APELA: variants seen among roughly 807,000 people sequenced by gnomAD.
APELA encodes apelin receptor early endogenous ligand.
At chr4:164,891,578 C>A (rs576995639) in intron 2 of APELA, among the ~76,000 whole-genome samples, 51 of 152,160 alleles carry the variant, frequency 3.4e-4, no homozygotes, top group South Asian at 1.2e-3. Flanking sequence ...TTCTTAATTT[C>A]ATTTTTGAAT....
chr4:164,885,994 C>T (rs1730763619), intron 2 of APELA, among the ~76,000 whole-genome samples: 1 of 152,126 alleles, frequency 6.6e-6, no homozygotes, highest in African/African-American at 2.4e-5. Context: ...TGACGACCAC[C>T]CTAATTCAGT....
intron 2 of APELA, among the ~76,000 whole-genome samples, chr4:164,883,490 CTTT>C (rs397945999): frequency 7.1e-6 from 1 of 140,850 alleles, no homozygotes; most frequent in Non-Finnish European, 1.5e-5. Context: ...CTTTCTTTTT[CTTT>C]TTTTTTTTTT....
chr4:164,878,163 A>G (rs1203196778), intron 1 of APELA, among the ~76,000 whole-genome samples: 1 of 147,146 alleles, frequency 6.8e-6, no homozygotes, highest in African/African-American at 2.5e-5. Context: ...AAGAGAGAAA[A>G]GAAGAGAGAA....
chr4:164,892,618 G>A (rs1730904149), intron 2 of APELA, among the ~76,000 whole-genome samples: 1 of 152,032 alleles, frequency 6.6e-6, no homozygotes, highest in Non-Finnish European at 1.5e-5. Context: ...TTTTGGTATT[G>A]GGTAACCATA....
At chr4:164,888,075 G>GT (rs1730808748) in intron 2 of APELA, among the ~76,000 whole-genome samples, 1 of 152,118 alleles carries the variant, frequency 6.6e-6, no homozygotes, top group Admixed American at 6.5e-5. Context: ...TAAACAGGCT[G>GT]TTGTACCCTG....
At chr4:164,886,205 G>A (rs1315037271) in intron 2 of APELA, among the ~76,000 whole-genome samples, 1 of 151,904 alleles carries the variant, frequency 6.6e-6, no homozygotes, top group Non-Finnish European at 1.5e-5. Flanking sequence ...TCCTGTGTGG[G>A]CTGAAATATC....
chr4:164,884,367 T>C (rs748874434), intron 2 of APELA, among the ~76,000 whole-genome samples: 1 of 152,204 alleles, frequency 6.6e-6, no homozygotes, highest in African/African-American at 2.4e-5. Context: ...TTTCAACACA[T>C]TGTTCCCCTT....
At chr4:164,890,748 G>T (rs1730864208) in intron 2 of APELA, among the ~76,000 whole-genome samples, 2 of 152,152 alleles carry the variant, frequency 1.3e-5, no homozygotes, top group Admixed American at 1.3e-4. Flanking sequence ...TCAGTTCTCT[G>T]GGAATTAAAA....
intron 2 of APELA, among the ~76,000 whole-genome samples, chr4:164,884,037 G>GA (rs1010687567): frequency 7.0e-6 from 1 of 141,974 alleles, no homozygotes; most frequent in Non-Finnish European, 1.5e-5. Context: ...GAGAAGGGAA[G>GA]AAAAAAGGAA....
rs1208989541 is a variant in APELA, at chr4:164,896,946, G to A, written c.*1532G>A. On this transcript the variant is annotated 3_prime_UTR_variant, in exon 3 of 3. Transcript: ENST00000507152. ...TCACGGCCACACCTGACTAATTTTTGTATTTTTTTGTAGAGATGGAGTATC... is the reference window on the plus strand; with the variant it reads ...TCACGGCCACACCTGACTAATTTTTATATTTTTTTGTAGAGATGGAGTATC... 2 of 151,928 alleles carry A rather than the reference G, an allele frequency of 1.3e-5. No individual in the cohort carries two copies. Among genetic ancestry groups the A allele is most frequent in the African/African-American group, 4.8e-5 (2 of 41,312 alleles). 9.4% of individuals were successfully genotyped at this position (151,928 alleles called of 1,614,324 possible).
At chr4:164,884,644 A>T (rs558614437) in intron 2 of APELA, among the ~76,000 whole-genome samples, 35 of 152,094 alleles carry the variant, frequency 2.3e-4, no homozygotes, top group African/African-American at 8.4e-4. Context: ...CTCTCTGGTG[A>T]TCATTGTTGG....
At chr4:164,888,557 GGT>G (rs1158445128) in intron 2 of APELA, among the ~76,000 whole-genome samples, 1 of 152,168 alleles carries the variant, frequency 6.6e-6, no homozygotes, top group African/African-American at 2.4e-5. Flanking sequence ...TTCCTGGGCT[GGT>G]TGCTGCAGTT....
intron 1 of APELA, among the ~76,000 whole-genome samples, chr4:164,878,391 G>A (rs1730598705): frequency 6.6e-6 from 1 of 152,268 alleles, no homozygotes; most frequent in Admixed American, 6.5e-5. Flanking sequence ...TAGTGAATTA[G>A]AAGTTTGATC....
intron 2 of APELA, among the ~76,000 whole-genome samples, chr4:164,883,490 CTT>C (rs397945999): frequency 7.1e-5 from 10 of 140,840 alleles, no homozygotes; most frequent in Admixed American, 2.2e-4. Flanking sequence ...CTTTCTTTTT[CTT>C]TTTTTTTTTT....
chr4:164,881,250 C>G (rs1730647796), intron 2 of APELA, among the ~76,000 whole-genome samples: 1 of 152,162 alleles, frequency 6.6e-6, no homozygotes, highest in African/African-American at 2.4e-5. Context: ...TTCTTCCCCT[C>G]TAATTTTTTG....
intron 2 of APELA, among the ~76,000 whole-genome samples, chr4:164,890,271 C>T (rs1730854539): frequency 1.3e-5 from 2 of 152,110 alleles, no homozygotes; most frequent in South Asian, 4.1e-4. Context: ...CCCGACAATT[C>T]ACCCATTTAA....
chr4:164,884,155 GAAAGGAGA>G (rs929064827), intron 2 of APELA, among the ~76,000 whole-genome samples: 116 of 148,828 alleles, frequency 7.8e-4, no homozygotes, highest in African/African-American at 2.6e-3. Flanking sequence ...AAGAAAGAAA[GAAAGGAGA>G]AGAGAAAGAA....
intron 2 of APELA, among the ~76,000 whole-genome samples, chr4:164,890,436 A>G (rs917580216): frequency 6.6e-6 from 1 of 152,150 alleles, no homozygotes. Context: ...GACAGCCACT[A>G]ACCTACTTTC....
intron 2 of APELA, among the ~76,000 whole-genome samples, chr4:164,888,854 G>A (rs1212829892): frequency 6.6e-6 from 1 of 152,142 alleles, no homozygotes; most frequent in Non-Finnish European, 1.5e-5. Context: ...AATATGTCAT[G>A]TTCCTTACCA....
Sources: allele counts gnomAD v4.1 joint callset (sites outside exome capture counted in the v4.1 genomes callset), GRCh38; gene constraint gnomAD v4.1.1; transcripts MANE v1.5; gene names NCBI Gene and HGNC (gene_info 2026-07-23, HGNC 2026-07-21).